Variants in XPR1 observed in about 807,000 individuals in gnomAD.
XPR1 encodes xenotropic and polytropic retrovirus receptor 1, also known as solute carrier family 53 member 1.
A neutral mutation model predicts 87.5 loss-of-function variants in XPR1; 28 were observed. The ratio of observed to expected loss-of-function variants is 0.32; its 90% CI spans 0.24 to 0.44. XPR1 has a LOEUF of 0.44. XPR1 is among the 20% of genes least tolerant of loss of function. The pLI is 1.00. For synonymous variants in XPR1, 300 were observed against 306.1 expected (o/e 0.98, Z 0.21); for missense variants, 559 against 862.3 (o/e 0.65, Z 4.41).
intron 7 of XPR1, among the ~76,000 whole-genome samples, chr1:180,824,259 C>T (rs984336935): frequency 1.3e-5 from 2 of 152,132 alleles, no homozygotes; most frequent in African/African-American, 4.8e-5. Context: ...CGAGAAAGAA[C>T]CCACAGGCGA....
chr1:180,783,529 G>T (rs2102083345), intron 2 of XPR1, among the ~76,000 whole-genome samples: 1 of 151,962 alleles, frequency 6.6e-6, no homozygotes, highest in East Asian at 1.9e-4. Flanking sequence ...ATGCATCCTT[G>T]CAATCTTTCT....
Position 180,755,858 on chromosome 1 carries a change from C to A in XPR1, c.122-31895C>A, listed in dbSNP as rs550056523. ...TGATCTTTAGGAAGATGTATGTCAC[C>A]TTGTAGATCTGACTGAACCTCTCTT... On this transcript the variant is annotated intron_variant, in intron 2 of 14. Transcript: ENST00000367590. Among the ~76,000 whole-genome samples the A allele has an allele frequency of 2.8e-4, 43 of 152,224 alleles. 1 individual carries two copies. The South Asian group carries it at 5.6e-3, about 20-fold the overall frequency.
intron 3 of XPR1, among the ~76,000 whole-genome samples, chr1:180,796,085 G>T (rs1308295568): frequency 1.3e-5 from 2 of 152,164 alleles, no homozygotes; most frequent in East Asian, 3.8e-4. Flanking sequence ...TGGGATTACA[G>T]GCGTGAGCGA....
chr1:180,845,247 A>T (rs926679786), intron 11 of XPR1, among the ~76,000 whole-genome samples: 3 of 152,196 alleles, frequency 2.0e-5, no homozygotes, highest in African/African-American at 7.2e-5. Flanking sequence ...ATTTGTAAGC[A>T]ATTTGGGAAT....
intron 11 of XPR1, among the ~76,000 whole-genome samples, chr1:180,848,857 C>G (rs1260588293): frequency 6.6e-6 from 1 of 152,020 alleles, no homozygotes; most frequent in African/African-American, 2.4e-5. Context: ...TATACCATGA[C>G]TAAGATATTT....
At chr1:180,818,327 G>GTT (rs76651863) in intron 7 of XPR1, among the ~76,000 whole-genome samples, 31 of 139,496 alleles carry the variant, frequency 2.2e-4, no homozygotes, top group African/African-American at 5.2e-4. Flanking sequence ...TTCTGTTTGG[G>GTT]TTTTTTTTTT....
intron 1 of XPR1, among the ~76,000 whole-genome samples, chr1:180,668,164 T>G (rs1326513674): frequency 6.7e-6 from 1 of 148,480 alleles, no homozygotes; most frequent in Non-Finnish European, 1.5e-5. Context: ...AGTCTTGCTC[T>G]GTTGCCTAGG....
intron 2 of XPR1, among the ~76,000 whole-genome samples, chr1:180,727,420 G>C (rs140124421): frequency 8.5e-5 from 13 of 152,256 alleles, no homozygotes; most frequent in African/African-American, 3.1e-4. Flanking sequence ...GAGGCGGGCA[G>C]ATCACCTGAG....
chr1:180,687,722 T>C (rs943925784), intron 2 of XPR1, among the ~76,000 whole-genome samples: 2 of 152,104 alleles, frequency 1.3e-5, no homozygotes, highest in African/African-American at 4.8e-5. Context: ...GAATCAGTTA[T>C]ACATTGCAAA....
At position 180,710,838 on chromosome 1, in the gene XPR1, A is replaced by G. The variant is rs974336804; in HGVS notation, c.121+28427A>G. Reference sequence around the variant, plus strand: ...GCTGGCTGGGCGGGGGCTGCCCCCCACCTCCCTCCCGAACGGGGCAGCTGG... The same window carrying G: ...GCTGGCTGGGCGGGGGCTGCCCCCCGCCTCCCTCCCGAACGGGGCAGCTGG... On this transcript the variant is annotated intron_variant, in intron 2 of 14. Coordinates refer to ENST00000367590, the MANE Select transcript of XPR1 (RefSeq NM_004736.4). 1.9e-3 allele frequency among the ~76,000 whole-genome samples: 274 copies of G among 146,158 alleles called. 2 individuals are homozygous for G. Among genetic ancestry groups the G allele is most frequent in the African/African-American group, 6.9e-3 (270 of 39,012 alleles).
chr1:180,836,727 A>G lies in XPR1; in HGVS notation c.1501+11A>G. ...ACAGCACTCACAAAGGTATTCTGTG[A>G]TTGACTCTGAAGAGATTTTTTTAAA... On this transcript the variant is annotated intron_variant, in intron 11 of 14. Coordinates refer to ENST00000367590, the MANE Select transcript of XPR1 (RefSeq NM_004736.4). 1.9e-6 allele frequency: 3 copies of G among 1,612,916 alleles called. No individual in the cohort carries two copies. Among genetic ancestry groups the G allele is most frequent in the Non-Finnish European group, 2.5e-6 (3 of 1,179,966 alleles).
intron 1 of XPR1, among the ~76,000 whole-genome samples, chr1:180,679,217 CA>C (rs528143239): frequency 6.7e-6 from 1 of 149,462 alleles, no homozygotes; most frequent in Non-Finnish European, 1.5e-5. Context: ...AACAAACAAA[CA>C]AAAAAAACGG....
rs55806284 is a variant in XPR1, at chr1:180,728,297, TGG to T, written c.121+45896_121+45897del. Among the ~76,000 whole-genome samples, 247 of 94,466 alleles carry T rather than the reference TGG, an allele frequency of 2.6e-3. 4 individuals are homozygous for T. The highest frequency in any genetic ancestry group is 9.5e-3 in the African/African-American group (223 of 23,546). 62.0% of individuals were successfully genotyped at this position (94,466 alleles called of 152,430 possible). A position where few individuals can be genotyped will look rare whatever the true frequency, so the allele number is the denominator to read the frequency against. On this transcript the variant is annotated intron_variant, in intron 2 of 14. Transcript: ENST00000367590. The stretch of plus-strand genomic sequence containing the variant: ...GTGAGAAAAAGGAGTTGTTTATAAC[TGG>T]GGGGGGGGGTAGTAATGAAAACTAT...
intron 2 of XPR1, among the ~76,000 whole-genome samples, chr1:180,687,545 A>C (rs771266587): frequency 1.2e-4 from 18 of 152,114 alleles, no homozygotes; most frequent in South Asian, 2.1e-4. Context: ...TCAGGGTGGT[A>C]CCTTTACTTC....
intron 2 of XPR1, among the ~76,000 whole-genome samples, chr1:180,732,871 A>G (rs1263133035): frequency 1.3e-5 from 2 of 152,180 alleles, no homozygotes; most frequent in East Asian, 3.9e-4. Context: ...GAATAAGTAC[A>G]AGGTTTGATT....
At position 180,825,324 on chromosome 1, in the gene XPR1, T is replaced by G. The variant is rs766248161; in HGVS notation, c.1114T>G (p.Phe372Val). Residue 372 changes from phenylalanine to valine, a missense_variant, in exon 9 of 15, where the codon TTT becomes GTT. Coordinates refer to ENST00000367590, the MANE Select transcript of XPR1 (RefSeq NM_004736.4). ...CAAAACTTTCTACTATAAATCCCGG[T>G]TTTGGCTGCTTAAACTGCTGGTAAG... ...PTKTFYYKSR[F>V]WLLKLLFRVF... is the part of the protein sequence containing the mutation. 2 of 1,613,142 alleles carry G rather than the reference T, an allele frequency of 1.2e-6. 1 individual carries two copies. The highest frequency in any genetic ancestry group is 2.2e-5 in the South Asian group (2 of 90,794).
intron 11 of XPR1, among the ~76,000 whole-genome samples, chr1:180,847,213 CACTTATGAATATTAG>C (rs1301954538): frequency 6.6e-6 from 1 of 152,180 alleles, no homozygotes; most frequent in Admixed American, 6.5e-5. Flanking sequence ...ATAGTCTTCT[CACTTATGAATATTAG>C]ACTAATTCTG....
chr1:180,863,910 A>G, intron 12 of XPR1, 36 bp downstream of exon 12: 2 of 1,526,832 alleles, frequency 1.3e-6, no homozygotes, highest in South Asian at 1.4e-5. Flanking sequence ...AAAAGAACAA[A>G]CTTAGGTATA....
intron 11 of XPR1, among the ~76,000 whole-genome samples, chr1:180,855,584 A>G (rs1469385351): frequency 6.6e-6 from 1 of 151,482 alleles, no homozygotes; most frequent in African/African-American, 2.4e-5. Context: ...AGAATCACTT[A>G]ACCCAGGAGG....
Sources: gnomAD v4.1 joint callset for allele counts (sites outside exome capture counted in the v4.1 genomes callset) on GRCh38, gnomAD v4.1.1 for gene constraint, MANE v1.5 for transcripts, NCBI Gene and HGNC (gene_info 2026-07-23, HGNC 2026-07-21) for gene names.